Variants in POLR2B observed in about 807,000 individuals in gnomAD.
POLR2B encodes RNA polymerase II subunit B.
In POLR2B, 57 loss-of-function variants were observed where a neutral mutation model predicts 144.6. The ratio of observed to expected loss-of-function variants is 0.39; its 90% confidence interval spans 0.32 to 0.49. The LOEUF (loss-of-function observed/expected upper bound fraction) is 0.49. Ranked by LOEUF, POLR2B falls within the 20% of genes least tolerant of loss-of-function variation. The pLI is 0.83. For missense variants in POLR2B, 595 were observed against 1,467.4 expected (o/e 0.41, Z 9.71); for synonymous variants, 442 against 469.8 (o/e 0.94, Z 0.77).
chr4:57,003,220 A>G (rs1722907998), intron 7 of POLR2B, among the ~76,000 whole-genome samples: 1 of 148,212 alleles, frequency 6.7e-6, no homozygotes, highest in African/African-American at 2.5e-5. Flanking sequence ...TCACGAGGTC[A>G]GGAGATCGAG....
intron 17 of POLR2B, among the ~76,000 whole-genome samples, chr4:57,021,817 C>T (rs1352739325): frequency 1.3e-5 from 2 of 152,116 alleles, no homozygotes; most frequent in African/African-American, 2.4e-5. Flanking sequence ...AAACTTCTCA[C>T]TGGAAGTGTT....
intron 23 of POLR2B, among the ~76,000 whole-genome samples, chr4:57,028,238 T>C (rs1369726573): frequency 1.3e-5 from 2 of 152,184 alleles, no homozygotes; most frequent in Non-Finnish European, 2.9e-5. Context: ...GCAAGTGCTT[T>C]TGTTCAAGAC....
At chr4:56,993,268 A>G (rs956981382) in intron 3 of POLR2B, among the ~76,000 whole-genome samples, 11 of 152,168 alleles carry the variant, frequency 7.2e-5, no homozygotes, top group Admixed American at 2.6e-4. Flanking sequence ...ACGCCACTGC[A>G]CTCCATCCTG....
At chr4:57,021,807 A>C (rs1723560971) in intron 17 of POLR2B, among the ~76,000 whole-genome samples, 3 of 152,124 alleles carry the variant, frequency 2.0e-5, no homozygotes, top group African/African-American at 7.2e-5. Flanking sequence ...GCCAATGTTA[A>C]AACTTCTCAC....
In POLR2B at chr4:56,999,775, G is replaced by A; in HGVS notation, c.894G>A (p.Met298Ile). Residue 298 changes from methionine (M) to isoleucine (I), a missense_variant, in exon 7 of 25, where the codon ATG becomes ATA. By Grantham distance (10) the Met-to-Ile change is conservative. This residue lies in a region of POLR2B where 251 missense variants were observed against 567.3 expected (regional missense o/e 0.44). Coordinates refer to ENST00000314595, the MANE Select transcript of POLR2B (RefSeq NM_000938.3). ...IIYDFEDPEM[M>I]EMVKPSLDEA... Reference sequence around the variant, plus strand: ...ATGATTTTGAAGATCCAGAGATGATGGAAATGGTAATGTGAAAGCAAAATG... The same window carrying A: ...ATGATTTTGAAGATCCAGAGATGATAGAAATGGTAATGTGAAAGCAAAATG... 6.2e-7 allele frequency: 1 copy of A among 1,604,430 alleles called. No homozygotes were observed.
chr4:56,982,139 T>C (rs563357697), intron 1 of POLR2B, among the ~76,000 whole-genome samples: 20 of 152,276 alleles, frequency 1.3e-4, no homozygotes, highest in African/African-American at 4.8e-4. Context: ...AAATCTGGGG[T>C]ATCTAACTGC....
Position 57,025,395 on chromosome 4 carries a change from AC to A in POLR2B, c.3098del (p.Thr1033MetfsTer19). On this transcript the variant is annotated frameshift_variant, in exon 23 of 25. Coordinates refer to ENST00000314595, the MANE Select transcript of POLR2B (RefSeq NM_000938.3). LOFTEE classifies it high-confidence loss of function. Reference sequence around the variant, plus strand: ...GTTGCAGGTCCTGTACAATGGGTTCACTGGTCGAAAAATCACATCACAAATA... The same window carrying A: ...GTTGCAGGTCCTGTACAATGGGTTCATGGTCGAAAAATCACATCACAAATA... ...RGNEVLYNGF[T>X]GRKITSQIFI... 6.2e-7 allele frequency: 1 copy of A among 1,613,582 alleles called. No homozygotes were observed. Among genetic ancestry groups the A allele is most frequent in the Non-Finnish European group, 8.5e-7 (1 of 1,179,496 alleles).
chr4:57,013,976 C>A (rs549741338), intron 13 of POLR2B, among the ~76,000 whole-genome samples: 8 of 151,238 alleles, frequency 5.3e-5, no homozygotes, highest in Non-Finnish European at 1.2e-4. Context: ...GAGAAAAAGA[C>A]CCATAGAGCT....
intron 10 of POLR2B, among the ~76,000 whole-genome samples, chr4:57,008,502 C>T (rs1437985653): frequency 6.6e-6 from 1 of 152,176 alleles, no homozygotes. Context: ...GTGCCTGGCC[C>T]AGTTCAAGGA....
At chr4:57,010,613 AT>A in intron 11 of POLR2B, 109 bp downstream of exon 11, 1 of 1,371,722 alleles carries the variant, frequency 7.3e-7, no homozygotes, top group African/African-American at 1.5e-5. Flanking sequence ...TGGTTTAGAA[AT>A]AAGTTTTTTT....
At chr4:57,011,464 G>A (rs773368243) in intron 13 of POLR2B, among the ~76,000 whole-genome samples, 8 of 152,016 alleles carry the variant, frequency 5.3e-5, no homozygotes, top group Non-Finnish European at 1.0e-4. Flanking sequence ...GGAGGCGGGG[G>A]TTATGGTGAG....
At chr4:56,980,095 T>TTA (rs1722109889) in intron 1 of POLR2B, among the ~76,000 whole-genome samples, 1 of 151,144 alleles carries the variant, frequency 6.6e-6, no homozygotes. Context: ...CTTAATTTTT[T>TTA]TTTTTTTTTT....
At chr4:56,994,619 T>G in intron 4 of POLR2B, 28 bp from the exon 5 acceptor site, 1 of 1,519,572 alleles carries the variant, frequency 6.6e-7, no homozygotes. Context: ...CCCTATTGCT[T>G]AACTGTGATC....
intron 7 of POLR2B, among the ~76,000 whole-genome samples, chr4:57,000,709 G>C (rs1040678015): frequency 8.6e-5 from 13 of 151,666 alleles, no homozygotes; most frequent in African/African-American, 3.2e-4. Context: ...TTTTTTTTGG[G>C]GGGGAGGATA....
chr4:57,005,908 A>T (rs1186522277), intron 9 of POLR2B, among the ~76,000 whole-genome samples, 189 bp downstream of exon 9: 1 of 152,200 alleles, frequency 6.6e-6, no homozygotes, highest in Non-Finnish European at 1.5e-5. Context: ...TTATGAGGAC[A>T]ATATATTACG....
In POLR2B at chr4:57,023,418, C is replaced by G. The variant is rs760300643; in HGVS notation, c.2604C>G (p.Gly868=). 27 of 1,613,808 alleles carry G rather than the reference C, an allele frequency of 1.7e-5. No homozygotes were observed. Among genetic ancestry groups the G allele is most frequent in the Non-Finnish European group, 1.9e-5 (22 of 1,179,904 alleles). The change falls in exon 19 of 25, where the codon GGC becomes GGG. Residue 868 remains glycine, a synonymous_variant. Transcript: ENST00000314595. The surrounding 1 kb of genome is among the most constrained non-coding windows in gnomAD (Gnocchi z 4.3). ...VRVSGDDVII[G]KTVTLPENED... ...TATCAGGAGATGATGTTATTATAGGCAAAACAGTCACCTTGCCTGAAAATG... is the reference window on the plus strand; with the variant it reads ...TATCAGGAGATGATGTTATTATAGGGAAAACAGTCACCTTGCCTGAAAATG...
intron 3 of POLR2B, among the ~76,000 whole-genome samples, chr4:56,992,560 A>ATT (rs779373741): frequency 0.24 from 20,194 of 85,454 alleles, 2,842 homozygotes; most frequent in Middle Eastern, 0.34. Flanking sequence ...TGGCTTATCT[A>ATT]TTTTTTTTTT....
Position 57,022,201 on chromosome 4 carries a change from G to T in POLR2B, c.2470G>T (p.Asp824Tyr). The T allele has an allele frequency of 6.2e-7, 1 of 1,612,832 alleles. No homozygotes were observed. The highest frequency in any genetic ancestry group is 1.1e-5 in the South Asian group (1 of 90,966). ...AGAACAGGAGTCTAAAAAAGGATTT[G>T]ATCAAGAAGAAGTTTTTGAGAAGCC... ...YKEQESKKGF[D>Y]QEEVFEKPTR... is the part of the protein sequence containing the mutation. The change falls in exon 18 of 25, where the codon GAT becomes TAT. Residue 824 changes from aspartate (D) to tyrosine (Y), a missense_variant. Coordinates refer to ENST00000314595, the MANE Select transcript of POLR2B (RefSeq NM_000938.3).
At chr4:57,006,396 C>T (rs1180200477) in intron 9 of POLR2B, among the ~76,000 whole-genome samples, 1 of 152,186 alleles carries the variant, frequency 6.6e-6, no homozygotes, top group Non-Finnish European at 1.5e-5. Flanking sequence ...CCTCTGCCTC[C>T]AGGGTTCAAG....
Sources: gnomAD v4.1 joint callset for allele counts (sites outside exome capture counted in the v4.1 genomes callset) on GRCh38, gnomAD v4.1.1 for gene constraint, gnomAD v4.1.1 regional missense constraint, Gnocchi (gnomAD v3.1) non-coding constraint, MANE v1.5 for transcripts, NCBI Gene and HGNC (gene_info 2026-07-23, HGNC 2026-07-21) for gene names.